Variants in PARG observed in about 807,000 individuals in gnomAD.
PARG encodes the protein poly(ADP-ribose) glycohydrolase, also known as mitochondrial poly(ADP-ribose) glycohydrolase.
PARG carries 35 observed loss-of-function variants against 113.0 expected under a neutral mutation model. That is an observed-to-expected ratio of 0.31 (90% CI 0.24 to 0.41). The LOEUF is 0.41. PARG is among the 10% of genes least tolerant of loss of function. The pLI is 1.00. For synonymous variants in PARG, 330 were observed against 409.9 expected (o/e 0.81, Z 2.36); for missense variants, 797 against 1,169.4 (o/e 0.68, Z 4.64).
rs868967420 is a variant in PARG, at chr10:49,921,930, T to G, written c.1662+406A>C. ...TAAGGGCAATAAAAACCAGAATGCTTAACATATACTTTAATCATTGGGAAA... is the reference window on the plus strand; with the variant it reads ...TAAGGGCAATAAAAACCAGAATGCTGAACATATACTTTAATCATTGGGAAA... On this transcript the variant is annotated intron_variant, in intron 6 of 17. Transcript: ENST00000616448. Among the ~76,000 whole-genome samples the G allele has an allele frequency of 3.9e-5, 6 of 152,258 alleles. No individual in the cohort carries two copies. The Middle Eastern group carries it at 0.01, about 259-fold the overall frequency.
intron 12 of PARG, among the ~76,000 whole-genome samples, chr10:49,859,598 T>C (rs2132532402): frequency 6.6e-6 from 1 of 152,342 alleles, no homozygotes; most frequent in African/African-American, 2.4e-5. Context: ...GGTTTAAGAT[T>C]GGCCTAACTT....
rs541123693 is a variant in PARG, at chr10:49,850,783, T to A, written c.2353+6523A>T. On this transcript the variant is annotated intron_variant, in intron 13 of 17. Coordinates refer to ENST00000616448, the MANE Select transcript of PARG (RefSeq NM_003631.5). Reference sequence around the variant, plus strand: ...TGTTCTTCTCTGAGAGGAACAAGGTTAGATTTACTTCCTTCCCTCCTTCAT... The same window carrying A: ...TGTTCTTCTCTGAGAGGAACAAGGTAAGATTTACTTCCTTCCCTCCTTCAT... Among the ~76,000 whole-genome samples, 273 of 152,268 alleles carry A rather than the reference T, an allele frequency of 1.8e-3. 1 individual carries two copies. Among genetic ancestry groups the A allele is most frequent in the African/African-American group, 6.3e-3 (262 of 41,540 alleles).
intron 7 of PARG, 82 bp from the exon 8 acceptor site, chr10:49,885,377 A>C: frequency 1.1e-6 from 1 of 885,516 alleles, no homozygotes; most frequent in Non-Finnish European, 1.8e-6. Flanking sequence ...TATGAAATTA[A>C]ATTACATATC....
rs374246750 is a variant in PARG at position 49,893,850 on chromosome 10, C to T, written c.1738-8555G>A. On this transcript the variant is annotated intron_variant, in intron 7 of 17. Coordinates refer to ENST00000616448, the MANE Select transcript of PARG (RefSeq NM_003631.5). ...CTGTGACTACAGGCACCCGCCACCA[C>T]GCCCAGCTAATGTTTTTTTTTGTAT... 9.2e-4 allele frequency among the ~76,000 whole-genome samples: 139 copies of T among 151,142 alleles called. 5 individuals are homozygous for T. In the East Asian group the frequency reaches 0.017, roughly 19 times the overall value.
intron 7 of PARG, chr10:49,908,569 T>A (rs1175063403): frequency 6.6e-6 from 1 of 152,192 alleles, no homozygotes; most frequent in East Asian, 1.9e-4. Flanking sequence ...TTAGCTGTAG[T>A]CTTATGAAAC....
intron 7 of PARG, among the ~76,000 whole-genome samples, chr10:49,888,172 T>G (rs1178887698): frequency 2.2e-4 from 34 of 152,232 alleles, no homozygotes; most frequent in African/African-American, 7.5e-4. Flanking sequence ...CCTTCTCCAT[T>G]TATAATCTTC....
intron 15 of PARG, among the ~76,000 whole-genome samples, chr10:49,839,528 T>C (rs944739060): frequency 1.2e-4 from 18 of 152,200 alleles, no homozygotes; most frequent in Admixed American, 7.2e-4. Flanking sequence ...TAAATAAATG[T>C]TCTTCCATGT....
chr10:49,874,827 C>A (rs1429950151), intron 9 of PARG, among the ~76,000 whole-genome samples: 3 of 141,150 alleles, frequency 2.1e-5, no homozygotes, highest in East Asian at 2.0e-4. Flanking sequence ...GCACTCCAGC[C>A]TGGTCGACAG....
Position 49,941,602 on chromosome 10 carries a change from T to TGG in PARG, c.122_123dup (p.Lys42ProfsTer66), listed in dbSNP as rs1369910228. 1.9e-6 allele frequency: 3 copies of TGG among 1,577,762 alleles called. No homozygotes were observed. The highest frequency in any genetic ancestry group is 2.6e-6 in the Non-Finnish European group (3 of 1,162,846). ...ACCCTGAACTGCACGTGAGCGTCCTTGGGGTCGAGGACGCGCCTCTGCCTG... is the reference window on the plus strand; with the variant it reads ...ACCCTGAACTGCACGTGAGCGTCCTTGGGGGGTCGAGGACGCGCCTCTGCCTG... On this transcript the variant is annotated frameshift_variant, in exon 1 of 18. Coordinates refer to ENST00000616448, the MANE Select transcript of PARG (RefSeq NM_003631.5). LOFTEE classifies it high-confidence loss of function.
chr10:49,842,355 G>T (rs1053126929), intron 14 of PARG, among the ~76,000 whole-genome samples: 4 of 152,176 alleles, frequency 2.6e-5, no homozygotes, highest in Non-Finnish European at 5.9e-5. Flanking sequence ...TAAAGGATTT[G>T]GGGGCAAACA....
At chr10:49,847,521 G>A (rs1419923534) in intron 13 of PARG, among the ~76,000 whole-genome samples, 6 of 152,184 alleles carry the variant, frequency 3.9e-5, no homozygotes, top group African/African-American at 1.4e-4. Flanking sequence ...AACACAAGAA[G>A]GACAATCTAC....
chr10:49,836,900 T>G (rs1844964261), intron 15 of PARG, among the ~76,000 whole-genome samples: 1 of 152,216 alleles, frequency 6.6e-6, no homozygotes, highest in Non-Finnish European at 1.5e-5. Context: ...AACATATTCA[T>G]TACTTAATCC....
intron 15 of PARG, among the ~76,000 whole-genome samples, chr10:49,835,744 T>TTGTGC (rs1554830984): frequency 6.6e-6 from 1 of 152,018 alleles, no homozygotes; most frequent in Non-Finnish European, 1.5e-5. Context: ...AACTGATGTA[T>TTGTGC]AAGATTTTAC....
At chr10:49,885,705 T>C (rs544886123) in intron 7 of PARG, among the ~76,000 whole-genome samples, 3 of 152,342 alleles carry the variant, frequency 2.0e-5, no homozygotes, top group East Asian at 1.9e-4. Flanking sequence ...CTAGTTTCAA[T>C]GGTCTACAAT....
intron 16 of PARG, among the ~76,000 whole-genome samples, chr10:49,824,762 G>A (rs146027559): frequency 1.5e-3 from 231 of 152,192 alleles, no homozygotes; most frequent in South Asian, 6.2e-3. Flanking sequence ...AACTCAACAA[G>A]AGAATTATTA....
intron 7 of PARG, among the ~76,000 whole-genome samples, chr10:49,886,458 T>C (rs1280785680): frequency 2.0e-5 from 3 of 152,232 alleles, no homozygotes; most frequent in Middle Eastern, 3.2e-3. Flanking sequence ...ACCCAACCTA[T>C]GTTTACTTCT....
At chr10:49,891,610 TATATATA>T (rs1564635882) in intron 7 of PARG, among the ~76,000 whole-genome samples, 1 of 49,936 alleles carries the variant, frequency 2.0e-5, no homozygotes, top group African/African-American at 1.2e-4. Flanking sequence ...TATATATATA[TATATATA>T]TATATATTTT....
At chr10:49,896,940 T>A (rs1848116793) in intron 7 of PARG, among the ~76,000 whole-genome samples, 2 of 152,256 alleles carry the variant, frequency 1.3e-5, no homozygotes, top group African/African-American at 2.4e-5. Flanking sequence ...TAGTAACCAA[T>A]GTTTAATTAG....
At chr10:49,853,299 G>C (rs1845841650) in intron 13 of PARG, among the ~76,000 whole-genome samples, 1 of 151,790 alleles carries the variant, frequency 6.6e-6, no homozygotes, top group South Asian at 2.1e-4. Flanking sequence ...GCCTCCCAAA[G>C]TGCTGGGATT....
Sources: gnomAD v4.1 joint callset for allele counts (sites outside exome capture counted in the v4.1 genomes callset) on GRCh38, gnomAD v4.1.1 for gene constraint, MANE v1.5 for transcripts, NCBI Gene and HGNC (gene_info 2026-07-23, HGNC 2026-07-21) for gene names.